The following RPS6KC1 variants were observed in gnomAD, a reference collection of about 807,000 sequenced individuals.
The protein encoded by RPS6KC1 is inactive ribosomal protein S6 kinase delta-1.
RPS6KC1 carries 54 observed loss-of-function variants against 103.8 expected under a neutral mutation model. That is an observed-to-expected ratio of 0.52 (90% CI 0.42 to 0.65). The LOEUF is 0.65. RPS6KC1 is among the 30% of genes least tolerant of loss of function. RPS6KC1 has a pLI of 0.00. For missense variants in RPS6KC1, 1,151 were observed against 1,253.8 expected, an observed-to-expected ratio of 0.92 and a Z score of 1.24; for synonymous variants, 439 against 438.7, an observed-to-expected ratio of 1.00 and a Z score of -0.01.
chr1:213,102,878 A>G (rs1185223711), intron 3 of RPS6KC1, among the ~76,000 whole-genome samples: 1 of 152,114 alleles, frequency 6.6e-6, no homozygotes. Flanking sequence ...ACCATTGCCT[A>G]AGAGGTTGTG....
the RPS6KC1 span, among the ~76,000 whole-genome samples, chr1:213,561,553 G>A: frequency 3.9e-5 from 6 of 152,236 alleles, no homozygotes; most frequent in Non-Finnish European, 4.4e-5. Context: ...TGCTAGGTGT[G>A]TGCAGATGAG....
At chr1:213,577,326 A>G in the RPS6KC1 span, among the ~76,000 whole-genome samples, 2 of 152,232 alleles carry the variant, frequency 1.3e-5, no homozygotes, top group Non-Finnish European at 2.9e-5. Flanking sequence ...CTGAGAGTCC[A>G]TTAGACCTCT....
In RPS6KC1 at chr1:213,080,196, G is replaced by C. The variant is rs140457482; in HGVS notation, c.262+2380G>C. 3.5e-3 allele frequency among the ~76,000 whole-genome samples: 529 copies of C among 152,096 alleles called. 2 individuals carry two copies. The highest frequency in any genetic ancestry group is 0.012 in the African/African-American group (504 of 41,504). On this transcript the variant is annotated intron_variant, in intron 3 of 14. Coordinates refer to ENST00000366960, the MANE Select transcript of RPS6KC1 (RefSeq NM_012424.6). Reference sequence around the variant, plus strand: ...GCCTCCCAAAGTGCTGGGATTACAGGCGTGAGCCACTGCGCCTGGCCCATT... The same window carrying C: ...GCCTCCCAAAGTGCTGGGATTACAGCCGTGAGCCACTGCGCCTGGCCCATT...
chr1:213,421,615 C>G, the RPS6KC1 span, among the ~76,000 whole-genome samples: 1 of 152,222 alleles, frequency 6.6e-6, no homozygotes. Flanking sequence ...TGGAACCCAC[C>G]ACCCCTCAGC....
At chr1:213,678,802 C>T in the RPS6KC1 span, among the ~76,000 whole-genome samples, 2 of 152,148 alleles carry the variant, frequency 1.3e-5, no homozygotes, top group Admixed American at 6.5e-5. Context: ...TTGGGAGTCA[C>T]GCTGACTAAA....
the RPS6KC1 span, among the ~76,000 whole-genome samples, chr1:213,540,590 A>C: frequency 6.6e-6 from 1 of 152,188 alleles, no homozygotes; most frequent in East Asian, 1.9e-4. Flanking sequence ...AGCTCAAGTG[A>C]TCTGCCCACC....
At chr1:213,113,224 G>A (rs1220064065) in intron 4 of RPS6KC1, among the ~76,000 whole-genome samples, 2 of 151,330 alleles carry the variant, frequency 1.3e-5, no homozygotes, top group Non-Finnish European at 3.0e-5. Context: ...TCCAGCACCT[G>A]TTGTTTCCTG....
the RPS6KC1 span, among the ~76,000 whole-genome samples, chr1:213,299,890 C>T: frequency 6.6e-6 from 1 of 152,086 alleles, no homozygotes; most frequent in Non-Finnish European, 1.5e-5. Context: ...CTGTAAGCTC[C>T]GCCTCCCGTG....
At chr1:213,575,518 A>G in the RPS6KC1 span, among the ~76,000 whole-genome samples, 1 of 152,168 alleles carries the variant, frequency 6.6e-6, no homozygotes, top group African/African-American at 2.4e-5. Flanking sequence ...TGATGGTTTT[A>G]TAAAGGGCTT....
chr1:213,782,275 G>A, the RPS6KC1 span, among the ~76,000 whole-genome samples: 1 of 152,274 alleles, frequency 6.6e-6, no homozygotes, highest in East Asian at 1.9e-4. Context: ...ATGTAGAGAT[G>A]CAAGAATTTG....
chr1:213,093,511 A>G (rs114063548), intron 3 of RPS6KC1, among the ~76,000 whole-genome samples: 3,430 of 152,234 alleles, frequency 0.023, 136 homozygotes, highest in African/African-American at 0.077. Flanking sequence ...CACCCAGCCA[A>G]TCATCTACCT....
In RPS6KC1 at chr1:213,205,567, T is replaced by TATATATATATATATATATATATA. The variant is rs57191154; in HGVS notation, c.1045-24930_1045-24929insATATATATATATATATATATATA. Among the ~76,000 whole-genome samples the TATATATATATATATATATATATA allele has an allele frequency of 3.1e-3, 425 of 138,392 alleles. 1 individual carries two copies. Among genetic ancestry groups the TATATATATATATATATATATATA allele is most frequent in the Non-Finnish European group, 4.5e-3 (287 of 63,218 alleles). 90.8% of individuals were successfully genotyped at this position (138,392 alleles called of 152,430 possible). A position where few individuals can be genotyped will look rare whatever the true frequency, so the allele number is the denominator to read the frequency against. ...ATATAGATATATATATATATATATA[T>TATATATATATATATATATATATA]TTCAAAAGAATGTAGCAGTCCCATA... is the stretch of plus-strand genomic sequence containing the variant. On this transcript the variant is annotated intron_variant, in intron 8 of 14. Transcript: ENST00000366960.
At chr1:213,493,721 C>G in the RPS6KC1 span, among the ~76,000 whole-genome samples, 1 of 152,196 alleles carries the variant, frequency 6.6e-6, no homozygotes, top group Non-Finnish European at 1.5e-5. Flanking sequence ...TCAGAGCTGC[C>G]CTGCCAATAA....
intron 8 of RPS6KC1, among the ~76,000 whole-genome samples, chr1:213,213,898 G>A (rs964652190): frequency 1.3e-5 from 2 of 152,230 alleles, no homozygotes; most frequent in Non-Finnish European, 2.9e-5. Context: ...TACTGGGGCA[G>A]TTCCAAGATG....
At chr1:213,419,369 T>C in the RPS6KC1 span, among the ~76,000 whole-genome samples, 1 of 152,184 alleles carries the variant, frequency 6.6e-6, no homozygotes, top group African/African-American at 2.4e-5. Flanking sequence ...ACAAAAATAA[T>C]GGTGGTAATT....
Position 213,167,847 on chromosome 1 carries a change from T to C in RPS6KC1, c.836-11T>C, listed in dbSNP as rs200774550. The stretch of plus-strand genomic sequence containing the variant: ...AATTTATTTTTTACATGTCCAGACT[T>C]TTTTTTTTAGGAGAGTCAAGCCCTA... On this transcript the variant is annotated splice_polypyrimidine_tract_variant and intron_variant, in intron 6 of 14. Transcript: ENST00000366960. The C allele has an allele frequency of 3.2e-3, 5,063 of 1,567,644 alleles. 15 individuals are homozygous for C. Among genetic ancestry groups the C allele is most frequent in the Non-Finnish European group, 3.7e-3 (4,305 of 1,153,238 alleles).
the RPS6KC1 span, among the ~76,000 whole-genome samples, chr1:213,834,012 G>A: frequency 1.2e-3 from 190 of 152,310 alleles, 1 homozygote; most frequent in African/African-American, 4.3e-3. Context: ...AAATTAAAGT[G>A]TGATAGGCTC....
chr1:213,406,061 C>T, the RPS6KC1 span, among the ~76,000 whole-genome samples: 1 of 152,204 alleles, frequency 6.6e-6, no homozygotes. Flanking sequence ...TTGCAGCACA[C>T]TGCCTGGAAA....
the RPS6KC1 span, among the ~76,000 whole-genome samples, chr1:213,385,380 G>T: frequency 1.3e-5 from 2 of 152,162 alleles, no homozygotes; most frequent in Non-Finnish European, 2.9e-5. Flanking sequence ...CTTGCCCAGG[G>T]CCACACAGCT....
Sources: allele counts gnomAD v4.1 joint callset (sites outside exome capture counted in the v4.1 genomes callset), GRCh38; gene constraint gnomAD v4.1.1; transcripts MANE v1.5; gene names NCBI Gene and HGNC (gene_info 2026-07-23, HGNC 2026-07-21).